The following NAALADL2 variants were observed in gnomAD, a reference collection of about 807,000 sequenced individuals.
NAALADL2 encodes the protein N-acetylated alpha-linked acidic dipeptidase like 2.
NAALADL2 carries 76 observed loss-of-function variants against 87.2 expected under a neutral mutation model. The ratio of observed to expected loss-of-function variants is 0.87; its 90% CI spans 0.72 to 1.05. The LOEUF is 1.05. Ranked by LOEUF, NAALADL2 falls within the 50% of genes least tolerant of loss-of-function variation. NAALADL2 has a pLI of 0.00. For missense variants in NAALADL2, 1,089 were observed against 945.8 expected, an observed-to-expected ratio of 1.15 and a Z score of -1.99; for synonymous variants, 354 against 331.0, an observed-to-expected ratio of 1.07 and a Z score of -0.75.
At chr3:174,722,680 C>T (rs918000992) in intron 2 of NAALADL2, among the ~76,000 whole-genome samples, 2 of 151,942 alleles carry the variant, frequency 1.3e-5, no homozygotes, top group East Asian at 1.9e-4. Context: ...CTAGTCTGGG[C>T]GATAGAGTGA....
intron 1 of NAALADL2, among the ~76,000 whole-genome samples, chr3:175,057,936 T>G (rs116667786): frequency 0.012 from 1,822 of 152,314 alleles, 36 homozygotes; most frequent in African/African-American, 0.042. Context: ...AGCTAGTCAA[T>G]AGAGTTTGTA....
intron 1 of NAALADL2, among the ~76,000 whole-genome samples, chr3:174,451,918 C>G (rs545551562): frequency 1.6e-5 from 2 of 124,800 alleles, no homozygotes; most frequent in Admixed American, 2.0e-4. Context: ...TCTTGGCTTA[C>G]TGCAACCTCC....
At chr3:174,966,771 T>C (rs1174668898) in intron 1 of NAALADL2, among the ~76,000 whole-genome samples, 1 of 152,144 alleles carries the variant, frequency 6.6e-6, no homozygotes, top group East Asian at 1.9e-4. Flanking sequence ...AGACTGGGGA[T>C]CAAAATTTGG....
At chr3:175,380,325 T>G (rs2148982482) in intron 5 of NAALADL2, among the ~76,000 whole-genome samples, 1 of 152,286 alleles carries the variant, frequency 6.6e-6, no homozygotes, top group African/African-American at 2.4e-5. Context: ...TGAAAGAATG[T>G]CTGTGTGTTT....
chr3:175,409,353 T>C (rs1713033760), intron 5 of NAALADL2, among the ~76,000 whole-genome samples: 1 of 151,914 alleles, frequency 6.6e-6, no homozygotes, highest in African/African-American at 2.4e-5. Context: ...TTGTCCAGGA[T>C]GTCATTGATT....
At chr3:174,872,719 T>C (rs900399826) in intron 1 of NAALADL2, among the ~76,000 whole-genome samples, 29 of 146,662 alleles carry the variant, frequency 2.0e-4, no homozygotes, top group African/African-American at 6.1e-4. Flanking sequence ...AATGTATTCA[T>C]CTACACACAC....
At chr3:174,878,258 A>G (rs899940235) in intron 1 of NAALADL2, among the ~76,000 whole-genome samples, 1 of 152,106 alleles carries the variant, frequency 6.6e-6, no homozygotes, top group African/African-American at 2.4e-5. Flanking sequence ...TAAGTTATTG[A>G]TTGTCAAATT....
At chr3:174,925,042 T>G (rs1376769973) in intron 1 of NAALADL2, among the ~76,000 whole-genome samples, 1 of 152,192 alleles carries the variant, frequency 6.6e-6, no homozygotes, top group African/African-American at 2.4e-5. Context: ...CTGATGGTAG[T>G]TTCTTTTGCT....
At chr3:174,645,915 A>G (rs1270419689) in intron 2 of NAALADL2, among the ~76,000 whole-genome samples, 3 of 152,206 alleles carry the variant, frequency 2.0e-5, no homozygotes, top group Admixed American at 2.0e-4. Flanking sequence ...TAGGTATGGA[A>G]TGAATATCTC....
intron 2 of NAALADL2, among the ~76,000 whole-genome samples, chr3:174,553,865 A>AT (rs1425924826): frequency 6.6e-6 from 1 of 152,088 alleles, no homozygotes; most frequent in Non-Finnish European, 1.5e-5. Context: ...GTAATGGGTA[A>AT]TTTTTTGTTT....
intron 1 of NAALADL2, among the ~76,000 whole-genome samples, chr3:174,491,051 G>A (rs1407073591): frequency 6.6e-6 from 1 of 152,084 alleles, no homozygotes; most frequent in East Asian, 1.9e-4. Context: ...AGCCATAAGT[G>A]AATCACCATA....
At chr3:175,790,586 T>C (rs1688833281) in intron 13 of NAALADL2, among the ~76,000 whole-genome samples, 2 of 152,330 alleles carry the variant, frequency 1.3e-5, no homozygotes, top group South Asian at 4.1e-4. Flanking sequence ...AAACAACACA[T>C]ATGATGCAAC....
At chr3:175,142,626 G>A (rs1255092792) in intron 2 of NAALADL2, among the ~76,000 whole-genome samples, 2 of 151,698 alleles carry the variant, frequency 1.3e-5, no homozygotes, top group African/African-American at 2.4e-5. Context: ...TTAAAACATA[G>A]TTTACATGAT....
chr3:175,680,777 A>G (rs942885252), intron 11 of NAALADL2, among the ~76,000 whole-genome samples: 1 of 152,196 alleles, frequency 6.6e-6, no homozygotes, highest in Non-Finnish European at 1.5e-5. Flanking sequence ...ATATGCAAGA[A>G]TCATATTATG....
At chr3:174,505,935 A>G (rs1447941090) in intron 1 of NAALADL2, among the ~76,000 whole-genome samples, 1 of 152,142 alleles carries the variant, frequency 6.6e-6, no homozygotes, top group Non-Finnish European at 1.5e-5. Flanking sequence ...TTTACCACTC[A>G]TGGATAACTT....
intron 1 of NAALADL2, among the ~76,000 whole-genome samples, chr3:174,972,009 C>G (rs1219808356): frequency 6.6e-6 from 1 of 152,004 alleles, no homozygotes; most frequent in Non-Finnish European, 1.5e-5. Flanking sequence ...TGTTTTCTTT[C>G]ACCTACATAA....
At chr3:174,456,507 G>A (rs934783151) in intron 1 of NAALADL2, among the ~76,000 whole-genome samples, 4 of 151,278 alleles carry the variant, frequency 2.6e-5, no homozygotes, top group Admixed American at 6.6e-5. Flanking sequence ...CATGGCACTG[G>A]TACAAACCCA....
Position 175,378,198 on chromosome 3 carries a change from C to T in NAALADL2, c.1090+53873C>T, listed in dbSNP as rs978227574. 1.8e-4 allele frequency among the ~76,000 whole-genome samples: 28 copies of T among 151,684 alleles called. 1 individual carries two copies. The highest frequency in any genetic ancestry group is 5.8e-4 in the African/African-American group (24 of 41,118). ...GCTCTTGCCGACACCCAAAAGCACT[C>T]ACCCTGGCTCCTGCACCTGCTTACC... On this transcript the variant is annotated intron_variant, in intron 5 of 13. Transcript: ENST00000454872.
At chr3:174,527,538 A>G (rs1720878174) in intron 1 of NAALADL2, among the ~76,000 whole-genome samples, 1 of 151,894 alleles carries the variant, frequency 6.6e-6, no homozygotes, top group Non-Finnish European at 1.5e-5. Flanking sequence ...AAAAAAAGAA[A>G]GTCTTTTATT....
Sources: allele counts gnomAD v4.1 joint callset (sites outside exome capture counted in the v4.1 genomes callset), GRCh38; gene constraint gnomAD v4.1.1; transcripts MANE v1.5; gene names NCBI Gene and HGNC (gene_info 2026-07-23, HGNC 2026-07-21).